Variants in SORCS1 observed in about 807,000 individuals in gnomAD.
SORCS1 encodes sortilin related VPS10 domain containing receptor 1.
In SORCS1, 60 loss-of-function variants were observed where a neutral mutation model predicts 146.1. That is an observed-to-expected ratio of 0.41 (90% CI 0.33 to 0.51). The LOEUF (loss-of-function observed/expected upper bound fraction) is 0.51, where lower values mean the gene tolerates loss of function less well. SORCS1 is among the 20% of genes least tolerant of loss of function. SORCS1 has a pLI of 0.21. For synonymous variants in SORCS1, 637 were observed against 584.0 expected, an observed-to-expected ratio of 1.09 and a Z score of -1.31; for missense variants, 1,352 against 1,487.6, an observed-to-expected ratio of 0.91 and a Z score of 1.50.
At chr10:107,048,716 G>A (rs994681522) in intron 1 of SORCS1, among the ~76,000 whole-genome samples, 3 of 152,124 alleles carry the variant, frequency 2.0e-5, no homozygotes, top group Non-Finnish European at 4.4e-5. Context: ...CACATCGTAG[G>A]TGACACCATT....
chr10:106,946,668 G>T (rs927900597), intron 2 of SORCS1, among the ~76,000 whole-genome samples: 1 of 152,116 alleles, frequency 6.6e-6, no homozygotes, highest in African/African-American at 2.4e-5. Context: ...TAGCAGCACG[G>T]GAACAGACTA....
intron 9 of SORCS1, among the ~76,000 whole-genome samples, chr10:106,689,994 G>C (rs1290217316): frequency 6.6e-6 from 1 of 152,144 alleles, no homozygotes; most frequent in Non-Finnish European, 1.5e-5. Context: ...GGAATACTTT[G>C]AACTATCATA....
chr10:107,127,977 G>C (rs999773372), intron 1 of SORCS1, among the ~76,000 whole-genome samples: 1 of 152,194 alleles, frequency 6.6e-6, no homozygotes, highest in Non-Finnish European at 1.5e-5. Context: ...AGTGATTTCA[G>C]CTATTTCACA....
At chr10:106,962,867 C>A (rs973030631) in intron 1 of SORCS1, among the ~76,000 whole-genome samples, 6 of 152,144 alleles carry the variant, frequency 3.9e-5, no homozygotes, top group Non-Finnish European at 7.3e-5. Flanking sequence ...TGCTGGCCAC[C>A]TTTGTCCTGC....
At chr10:107,092,341 G>A (rs1964241957) in intron 1 of SORCS1, among the ~76,000 whole-genome samples, 1 of 152,210 alleles carries the variant, frequency 6.6e-6, no homozygotes, top group Non-Finnish European at 1.5e-5. Context: ...ACCAGGATGA[G>A]AGACAAGAAT....
chr10:107,011,953 A>C (rs1462114024), intron 1 of SORCS1, among the ~76,000 whole-genome samples: 1 of 152,220 alleles, frequency 6.6e-6, no homozygotes, highest in Admixed American at 6.5e-5. Context: ...GGAGATCTTT[A>C]TTTCTAAAAG....
intron 18 of SORCS1, among the ~76,000 whole-genome samples, chr10:106,632,591 T>C (rs1848501323): frequency 6.6e-6 from 1 of 152,202 alleles, no homozygotes; most frequent in African/African-American, 2.4e-5. Flanking sequence ...CAGATATTTA[T>C]TGACTGTCTA....
At position 107,135,195 on chromosome 10, in the gene SORCS1, G is replaced by A. The variant is rs541352531; in HGVS notation, c.558+28774C>T. Among the ~76,000 whole-genome samples, 6 of 152,248 alleles carry A rather than the reference G, an allele frequency of 3.9e-5. No homozygotes were observed. The East Asian group carries it at 1.2e-3, about 29-fold the overall frequency. On this transcript the variant is annotated intron_variant, in intron 1 of 25. Coordinates refer to ENST00000263054, the MANE Select transcript of SORCS1 (RefSeq NM_052918.5). ...CATTAGTTTCTTTTAATGATTTTAT[G>A]TCCTTTCTAAAACAATTGGAAAATT...
At chr10:106,812,450 G>T (rs761316148) in intron 3 of SORCS1, among the ~76,000 whole-genome samples, 2 of 152,202 alleles carry the variant, frequency 1.3e-5, no homozygotes, top group Non-Finnish European at 2.9e-5. Context: ...TCTTTAAAAC[G>T]TGTGAGTGTG....
chr10:106,645,514 T>C (rs1014661115), intron 18 of SORCS1, among the ~76,000 whole-genome samples: 20 of 152,114 alleles, frequency 1.3e-4, no homozygotes, highest in Admixed American at 9.2e-4. Context: ...TTTTAAAATG[T>C]AAACCTTCTG....
intron 1 of SORCS1, among the ~76,000 whole-genome samples, chr10:107,086,831 C>T (rs1963799285): frequency 6.6e-6 from 1 of 152,174 alleles, no homozygotes. Context: ...AGATCGAGAC[C>T]ATCCTGGCTA....
intron 2 of SORCS1, among the ~76,000 whole-genome samples, chr10:106,945,565 A>G (rs768214433): frequency 3.3e-5 from 5 of 152,260 alleles, no homozygotes; most frequent in Non-Finnish European, 7.3e-5. Context: ...CGTGGTGTTC[A>G]TACCAATGTA....
intron 3 of SORCS1, among the ~76,000 whole-genome samples, chr10:106,799,054 A>G (rs1946735579): frequency 6.6e-6 from 1 of 152,224 alleles, no homozygotes. Context: ...GGAACAGAAC[A>G]GAGCCCTCAG....
intron 4 of SORCS1, among the ~76,000 whole-genome samples, chr10:106,766,559 C>T (rs565477173): frequency 1.8e-4 from 27 of 152,226 alleles, no homozygotes; most frequent in Admixed American, 5.9e-4. Flanking sequence ...GAGGGGGCCA[C>T]GACCCATGCA....
chr10:106,764,957 A>C lies in SORCS1; in HGVS notation c.886-3296T>G, dbSNP rs151120164. 2.3e-3 allele frequency among the ~76,000 whole-genome samples: 322 copies of C among 139,320 alleles called. 4 individuals carry two copies. The highest frequency in any genetic ancestry group is 8.4e-3 in the African/African-American group (309 of 36,942). The allele number at this position is 139,320 out of a possible 152,430, so 91.4% of individuals were successfully genotyped here. On this transcript the variant is annotated intron_variant, in intron 4 of 25. Transcript: ENST00000263054. The stretch of plus-strand genomic sequence containing the variant: ...AGGATGGTGTGAACCTGGGATGTGG[A>C]GCTTGCAGTGAGCCGAGATCGCGCC...
chr10:106,815,632 C>T (rs1390605385), intron 3 of SORCS1, among the ~76,000 whole-genome samples: 1 of 152,164 alleles, frequency 6.6e-6, no homozygotes, highest in African/African-American at 2.4e-5. Context: ...TCATATTATA[C>T]TCTCAGTCTA....
intron 3 of SORCS1, among the ~76,000 whole-genome samples, chr10:106,805,465 T>C (rs1024267606): frequency 6.6e-6 from 1 of 152,196 alleles, no homozygotes; most frequent in Non-Finnish European, 1.5e-5. Context: ...TCAAAGGAAC[T>C]ACAATATGTT....
At chr10:106,858,665 GCAGA>G (rs1241037289) in intron 2 of SORCS1, among the ~76,000 whole-genome samples, 3 of 151,476 alleles carry the variant, frequency 2.0e-5, no homozygotes, top group Non-Finnish European at 2.9e-5. Flanking sequence ...GGGGTTGTGT[GCAGA>G]CAGTGACTTT....
chr10:107,151,624 G>A (rs1374960805), intron 1 of SORCS1, among the ~76,000 whole-genome samples: 1 of 152,122 alleles, frequency 6.6e-6, no homozygotes, highest in Non-Finnish European at 1.5e-5. Flanking sequence ...CTCACCCTAG[G>A]TCCCTCCCAC....
Sources: gnomAD v4.1 joint callset for allele counts (sites outside exome capture counted in the v4.1 genomes callset) on GRCh38, gnomAD v4.1.1 for gene constraint, MANE v1.5 for transcripts, NCBI Gene and HGNC (gene_info 2026-07-23, HGNC 2026-07-21) for gene names.